The following TOGARAM2 variants were observed in gnomAD, a reference collection of about 807,000 sequenced individuals.
The protein encoded by TOGARAM2 is TOG array regulator of axonemal microtubules 2.
TOGARAM2 carries 85 observed loss-of-function variants against 93.3 expected under a neutral mutation model. The ratio of observed to expected loss-of-function variants is 0.91; its 90% CI spans 0.76 to 1.09. The LOEUF (loss-of-function observed/expected upper bound fraction) is 1.09. TOGARAM2 is among the 50% of genes least tolerant of loss of function. TOGARAM2 has a pLI of 0.00. For missense variants in TOGARAM2, 1,277 were observed against 1,334.5 expected, an observed-to-expected ratio of 0.96 and a Z score of 0.67; for synonymous variants, 593 against 552.8, an observed-to-expected ratio of 1.07 and a Z score of -1.02.
chr2:28,987,352 T>C (rs1558403545), intron 1 of TOGARAM2, among the ~76,000 whole-genome samples: 2 of 152,134 alleles, frequency 1.3e-5, no homozygotes, highest in Non-Finnish European at 2.9e-5. Context: ...TGCAGTGGCA[T>C]GATCTCGGTT....
chr2:28,979,146 C>T (rs1161135006), upstream of TOGARAM2, among the ~76,000 whole-genome samples: 4 of 152,148 alleles, frequency 2.6e-5, no homozygotes, highest in African/African-American at 9.7e-5. Flanking sequence ...CCAGGCAGCT[C>T]CTGGCTCCCC....
chr2:29,035,112 T>G (rs1350465836), intron 16 of TOGARAM2, among the ~76,000 whole-genome samples: 2 of 137,878 alleles, frequency 1.5e-5, no homozygotes, highest in East Asian at 2.2e-4. Flanking sequence ...ATTGGGCCAT[T>G]AAACTCTAGC....
intron 1 of TOGARAM2, among the ~76,000 whole-genome samples, chr2:28,993,021 C>G (rs1377099078): frequency 1.3e-5 from 2 of 149,176 alleles, no homozygotes; most frequent in African/African-American, 2.5e-5. Context: ...GATCATGCCA[C>G]TGCACTCCAG....
chr2:29,001,691 C>T (rs573369756), intron 4 of TOGARAM2, among the ~76,000 whole-genome samples: 17 of 152,100 alleles, frequency 1.1e-4, no homozygotes, highest in Non-Finnish European at 1.3e-4. Context: ...TGGGGTTTCA[C>T]CATGTTGGCC....
chr2:29,013,073 C>T (rs1664348193), intron 7 of TOGARAM2, among the ~76,000 whole-genome samples: 1 of 152,244 alleles, frequency 6.6e-6, no homozygotes, highest in Non-Finnish European at 1.5e-5. Flanking sequence ...CAGCTGGTGG[C>T]CCCATCTCAG....
intron 1 of TOGARAM2, among the ~76,000 whole-genome samples, chr2:28,960,485 A>C (rs924378022): frequency 2.6e-5 from 4 of 152,182 alleles, no homozygotes; most frequent in African/African-American, 9.7e-5. Context: ...GATCCAATCC[A>C]CACTCACTCA....
At chr2:28,990,779 A>G (rs1672681643) in intron 1 of TOGARAM2, among the ~76,000 whole-genome samples, 1 of 152,006 alleles carries the variant, frequency 6.6e-6, no homozygotes, top group African/African-American at 2.4e-5. Flanking sequence ...TACAGACAGC[A>G]TTCGCTTAGA....
intron 13 of TOGARAM2, among the ~76,000 whole-genome samples, chr2:29,024,612 A>G (rs1193688222): frequency 6.6e-6 from 1 of 151,992 alleles, no homozygotes; most frequent in Non-Finnish European, 1.5e-5. Context: ...TAGCTGGGGG[A>G]GGAAGACCCC....
In TOGARAM2 at chr2:29,032,087, T is replaced by C. The variant is rs144976973; in HGVS notation, c.2013-847T>C. On this transcript the variant is annotated intron_variant, in intron 14 of 19. Coordinates refer to ENST00000379558, the MANE Select transcript of TOGARAM2 (RefSeq NM_199280.4). ...TAATAAGTCTCCTGGCCCCTAGCCT[T>C]GTCTCCACCAATCCATCCTCCACAC... 4.4e-3 allele frequency among the ~76,000 whole-genome samples: 666 copies of C among 152,338 alleles called. 6 individuals are homozygous for C. The highest frequency in any genetic ancestry group is 0.015 in the African/African-American group (619 of 41,574).
chr2:29,004,268 A>G (rs775158615), intron 6 of TOGARAM2, among the ~76,000 whole-genome samples: 3 of 152,162 alleles, frequency 2.0e-5, no homozygotes, highest in Non-Finnish European at 2.9e-5. Flanking sequence ...TAGGTGTGAG[A>G]CACCGTGCCC....
chr2:28,967,468 C>G (rs1373699984), intron 1 of TOGARAM2, among the ~76,000 whole-genome samples: 2 of 152,042 alleles, frequency 1.3e-5, no homozygotes, highest in Non-Finnish European at 2.9e-5. Flanking sequence ...GAGAGAGATC[C>G]TGTCTCAAAA....
intron 4 of TOGARAM2, among the ~76,000 whole-genome samples, chr2:29,000,632 A>G (rs917896499): frequency 1.3e-5 from 2 of 152,160 alleles, no homozygotes; most frequent in Admixed American, 6.5e-5. Context: ...AAGAAAGGGG[A>G]AGTGCTCTCA....
rs760268461 is a variant in TOGARAM2 at position 29,035,461 on chromosome 2, T to C, written c.2226-3T>C. Reference sequence around the variant, plus strand: ...GGGTTCAGACGCCACGCTCCTTACCTAGGCTCAGCTGCAATGGCCCAAGGC... The same window carrying C: ...GGGTTCAGACGCCACGCTCCTTACCCAGGCTCAGCTGCAATGGCCCAAGGC... On this transcript the variant is annotated splice_polypyrimidine_tract_variant and splice_region_variant and intron_variant, in intron 16 of 19. Transcript: ENST00000379558. 1.2e-5 allele frequency: 16 copies of C among 1,386,430 alleles called. No homozygotes were observed. Among genetic ancestry groups the C allele is most frequent in the Non-Finnish European group, 1.5e-5 (16 of 1,058,310 alleles). The allele number at this position is 1,386,430 out of a possible 1,614,324, so 85.9% of individuals were successfully genotyped here.
intron 17 of TOGARAM2, among the ~76,000 whole-genome samples, chr2:29,036,009 G>A (rs1436000187): frequency 6.6e-6 from 1 of 152,068 alleles, no homozygotes; most frequent in Admixed American, 6.5e-5. Context: ...TGTGATGGCT[G>A]GACAGGTGTG....
At chr2:29,037,089 GC>G (rs986957217) in intron 18 of TOGARAM2, among the ~76,000 whole-genome samples, 3 of 152,108 alleles carry the variant, frequency 2.0e-5, no homozygotes, top group African/African-American at 7.2e-5. Flanking sequence ...CTTAAGCTGG[GC>G]TGGGGCTTGG....
At chr2:28,984,891 C>A (rs1023779659) in intron 1 of TOGARAM2, among the ~76,000 whole-genome samples, 1 of 152,158 alleles carries the variant, frequency 6.6e-6, no homozygotes. Context: ...TTTGGGGAGG[C>A]CTTGATGGGA....
chr2:29,025,812 T>C (rs1184750398), intron 13 of TOGARAM2, among the ~76,000 whole-genome samples: 1 of 152,232 alleles, frequency 6.6e-6, no homozygotes, highest in Non-Finnish European at 1.5e-5. Flanking sequence ...AACTCACCCA[T>C]GAATCCCTCT....
At chr2:29,041,430 G>C (rs1666428972) in intron 18 of TOGARAM2, among the ~76,000 whole-genome samples, 1 of 152,184 alleles carries the variant, frequency 6.6e-6, no homozygotes, top group Admixed American at 6.5e-5. Context: ...CCCTAGTGCT[G>C]GTAGCCATGG....
intron 10 of TOGARAM2, chr2:29,018,617 C>T (rs1166265430): frequency 6.6e-6 from 1 of 152,216 alleles, no homozygotes; most frequent in Non-Finnish European, 1.5e-5. Flanking sequence ...TGGACTAGAG[C>T]ATAATTTCCA....
Sources: allele counts gnomAD v4.1 joint callset (sites outside exome capture counted in the v4.1 genomes callset), GRCh38; gene constraint gnomAD v4.1.1; transcripts MANE v1.5; gene names NCBI Gene and HGNC (gene_info 2026-07-23, HGNC 2026-07-21).